ST6GALNAC3: variants seen among roughly 807,000 people sequenced by gnomAD.
The protein encoded by ST6GALNAC3 is alpha-N-acetylgalactosaminide alpha-2,6-sialyltransferase 3.
In ST6GALNAC3, 25 loss-of-function variants were observed where a neutral mutation model predicts 32.7. The ratio of observed to expected loss-of-function variants is 0.76; its 90% CI spans 0.56 to 1.07. ST6GALNAC3 has a LOEUF of 1.07. Among genes scored for constraint, ST6GALNAC3 ranks in the 50% least tolerant of loss-of-function variants. The probability of loss-of-function intolerance (pLI) is 0.00; values close to 1 mark genes in which losing one functional copy is unlikely to be tolerated. For missense variants in ST6GALNAC3, 355 were observed against 382.4 expected, an observed-to-expected ratio of 0.93 and a Z score of 0.60; for synonymous variants, 129 against 133.1, an observed-to-expected ratio of 0.97 and a Z score of 0.21.
intron 2 of ST6GALNAC3, among the ~76,000 whole-genome samples, chr1:76,395,826 G>A (rs1391654817): frequency 6.6e-6 from 1 of 152,166 alleles, no homozygotes; most frequent in Non-Finnish European, 1.5e-5. Flanking sequence ...GGAAGGGTGT[G>A]GGGCTGGGGA....
intron 1 of ST6GALNAC3, among the ~76,000 whole-genome samples, chr1:76,089,027 T>G (rs780893166): frequency 4.6e-5 from 7 of 151,108 alleles, no homozygotes; most frequent in Middle Eastern, 3.4e-3. Context: ...GGGGAAACAC[T>G]AAAGGATTTT....
rs556252519 is a variant in ST6GALNAC3, at chr1:76,633,254, A to C, written c.*4448A>C. On this transcript the variant is annotated 3_prime_UTR_variant, in exon 5 of 5. Transcript: ENST00000328299. Reference sequence around the variant, plus strand: ...AGACAGAAGAGTAGCTGGAAAAAGAATGCCTAACTGATTTACTAAAGAGTC... The same window carrying C: ...AGACAGAAGAGTAGCTGGAAAAAGACTGCCTAACTGATTTACTAAAGAGTC... The C allele has an allele frequency of 6.6e-6, 1 of 152,312 alleles. No homozygotes were observed. Among genetic ancestry groups the C allele is most frequent in the Non-Finnish European group, 1.5e-5 (1 of 68,034 alleles). 9.4% of individuals were successfully genotyped at this position (152,312 alleles called of 1,614,324 possible). A position where few individuals can be genotyped will look rare whatever the true frequency, so the allele number is the denominator to read the frequency against.
chr1:76,449,613 A>G (rs1217428723), intron 3 of ST6GALNAC3, among the ~76,000 whole-genome samples: 1 of 152,228 alleles, frequency 6.6e-6, no homozygotes, highest in East Asian at 1.9e-4. Flanking sequence ...TTTGTTAGGT[A>G]TGCCATGATA....
chr1:76,469,678 G>C (rs1481842273), intron 3 of ST6GALNAC3, among the ~76,000 whole-genome samples: 1 of 152,106 alleles, frequency 6.6e-6, no homozygotes, highest in Non-Finnish European at 1.5e-5. Flanking sequence ...AGGTAAGGCA[G>C]AGGTGAGCAG....
chr1:76,561,264 A>G (rs1665227401), intron 3 of ST6GALNAC3, among the ~76,000 whole-genome samples: 1 of 152,126 alleles, frequency 6.6e-6, no homozygotes, highest in South Asian at 2.1e-4. Flanking sequence ...ATAAATAGAA[A>G]GAATGAATAA....
At chr1:76,450,948 A>C (rs1157151171) in intron 3 of ST6GALNAC3, among the ~76,000 whole-genome samples, 1 of 151,860 alleles carries the variant, frequency 6.6e-6, no homozygotes, top group South Asian at 2.1e-4. Flanking sequence ...TTTGGTGACT[A>C]TGGCCTTATA....
intron 1 of ST6GALNAC3, among the ~76,000 whole-genome samples, chr1:76,190,332 A>G (rs1000918193): frequency 3.9e-5 from 6 of 152,138 alleles, no homozygotes; most frequent in African/African-American, 9.7e-5. Flanking sequence ...TGGTACTCCA[A>G]CCTTTCAGCC....
chr1:76,378,787 C>G (rs139155755), intron 2 of ST6GALNAC3, among the ~76,000 whole-genome samples: 1 of 152,250 alleles, frequency 6.6e-6, no homozygotes, highest in African/African-American at 2.4e-5. Context: ...ATGTAGAGAG[C>G]AATTCCTTAG....
chr1:76,183,912 CT>C (rs1418474502), intron 1 of ST6GALNAC3, among the ~76,000 whole-genome samples: 1 of 131,598 alleles, frequency 7.6e-6, no homozygotes, highest in Non-Finnish European at 1.6e-5. Flanking sequence ...TTATTGAAAC[CT>C]ACTTTTATTA....
rs545480848 is a variant in ST6GALNAC3 at position 76,456,052 on chromosome 1, G to T, written c.623+43635G>T. On this transcript the variant is annotated intron_variant, in intron 3 of 4. Transcript: ENST00000328299. Reference sequence around the variant, plus strand: ...ATACAGAAGTTATTCTGCACCTGTAGTCCCAGCTACTCCAGAGGCTGAGGC... The same window carrying T: ...ATACAGAAGTTATTCTGCACCTGTATTCCCAGCTACTCCAGAGGCTGAGGC... 2.4e-4 allele frequency among the ~76,000 whole-genome samples: 37 copies of T among 152,174 alleles called. No homozygotes were observed. In the South Asian group the frequency reaches 7.1e-3, roughly 29 times the overall value.
At chr1:76,319,422 C>T (rs1305951347) in intron 2 of ST6GALNAC3, among the ~76,000 whole-genome samples, 2 of 151,998 alleles carry the variant, frequency 1.3e-5, no homozygotes, top group African/African-American at 4.8e-5. Context: ...CCACACTAGC[C>T]TAATTAAAGA....
intron 3 of ST6GALNAC3, among the ~76,000 whole-genome samples, chr1:76,428,462 A>G (rs1655541422): frequency 6.6e-6 from 1 of 152,150 alleles, no homozygotes; most frequent in Non-Finnish European, 1.5e-5. Flanking sequence ...ATTTTTATCC[A>G]TCTTAAAATT....
In ST6GALNAC3 at chr1:76,216,755, T is replaced by C. The variant is rs566183398; in HGVS notation, c.19-97050T>C. 3.9e-5 allele frequency among the ~76,000 whole-genome samples: 6 copies of C among 152,348 alleles called. No homozygotes were observed. In the East Asian group the frequency reaches 1.2e-3, roughly 29 times the overall value. On this transcript the variant is annotated intron_variant, in intron 1 of 4. Transcript: ENST00000328299. ...CTTTACTGCAGTGTAATTTGTTTCT[T>C]CTGTGTTGCTTTGTGTACAGTAAAG...
Position 76,357,130 on chromosome 1 carries a change from C to CTTTTTTTTT in ST6GALNAC3, c.213+43138_213+43146dup, listed in dbSNP as rs55786044. Among the ~76,000 whole-genome samples the CTTTTTTTTT allele has an allele frequency of 1.4e-4, 16 of 111,186 alleles. 1 individual carries two copies. Among genetic ancestry groups the CTTTTTTTTT allele is most frequent in the South Asian group, 6.5e-4 (2 of 3,058 alleles). The allele number at this position is 111,186 out of a possible 152,430, so 72.9% of individuals were successfully genotyped here. ...TAGTTTTCTTTTTTCTTTTCTTTTT[C>CTTTTTTTTT]TTTTTTTTTTTTTTTCATTTTTGAG... On this transcript the variant is annotated intron_variant, in intron 2 of 4. Coordinates refer to ENST00000328299, the MANE Select transcript of ST6GALNAC3 (RefSeq NM_152996.4).
chr1:76,184,861 TA>T (rs1418986515), intron 1 of ST6GALNAC3, among the ~76,000 whole-genome samples: 1 of 152,188 alleles, frequency 6.6e-6, no homozygotes, highest in Non-Finnish European at 1.5e-5. Context: ...GTTTTACAGG[TA>T]AAGATTTGCT....
chr1:76,097,109 C>T (rs531484634), intron 1 of ST6GALNAC3, among the ~76,000 whole-genome samples: 6 of 152,078 alleles, frequency 3.9e-5, no homozygotes, highest in South Asian at 2.1e-4. Context: ...AGTGGAGACA[C>T]GGTTTCGCCA....
chr1:76,586,774 T>C (rs1646968097), intron 3 of ST6GALNAC3, among the ~76,000 whole-genome samples: 2 of 152,338 alleles, frequency 1.3e-5, no homozygotes, highest in Admixed American at 6.5e-5. Flanking sequence ...TTTACCGTCT[T>C]TGTCAAAGTC....
At chr1:76,311,313 G>C (rs1646758768) in intron 1 of ST6GALNAC3, among the ~76,000 whole-genome samples, 1 of 149,830 alleles carries the variant, frequency 6.7e-6, no homozygotes, top group Non-Finnish European at 1.5e-5. Context: ...TAAGTTCTGG[G>C]ATACATGTGT....
intron 3 of ST6GALNAC3, among the ~76,000 whole-genome samples, chr1:76,461,759 G>A (rs1658292942): frequency 6.6e-6 from 1 of 152,180 alleles, no homozygotes; most frequent in South Asian, 2.1e-4. Context: ...CTGATGGTAT[G>A]CTAGGCTCCC....
Sources: gnomAD v4.1 joint callset for allele counts (sites outside exome capture counted in the v4.1 genomes callset) on GRCh38, gnomAD v4.1.1 for gene constraint, MANE v1.5 for transcripts, NCBI Gene and HGNC (gene_info 2026-07-23, HGNC 2026-07-21) for gene names.